The following ABCA4 variants were observed in gnomAD, a reference collection of about 807,000 sequenced individuals.
ABCA4 encodes retinal-specific phospholipid-transporting ATPase ABCA4.
ABCA4 carries 196 observed loss-of-function variants against 263.7 expected under a neutral mutation model. That is an observed-to-expected ratio of 0.74 (90% CI 0.66 to 0.84). ABCA4 has a LOEUF of 0.84. Among genes scored for constraint, ABCA4 ranks in the 40% least tolerant of loss-of-function variants. The probability of loss-of-function intolerance (pLI) is 0.00; values close to 1 mark genes in which losing one functional copy is unlikely to be tolerated. For synonymous variants in ABCA4, 1,133 were observed against 1,094.2 expected (o/e 1.04, Z -0.70); for missense variants, 2,792 against 2,855.1 (o/e 0.98, Z 0.50).
chr1:94,040,726 C>T (rs747846686), intron 23 of ABCA4, among the ~76,000 whole-genome samples: 14 of 152,324 alleles, frequency 9.2e-5, no homozygotes, highest in Middle Eastern at 3.4e-3. Flanking sequence ...GCAGCACAGA[C>T]ATAAAACTGG....
intron 11 of ABCA4, among the ~76,000 whole-genome samples, chr1:94,065,411 G>T (rs181647648): frequency 6.6e-6 from 1 of 152,298 alleles, no homozygotes; most frequent in African/African-American, 2.4e-5. Context: ...CAGACAGGGC[G>T]TAAGGACCTG....
At chr1:94,074,589 G>A (rs868690307) in intron 11 of ABCA4, among the ~76,000 whole-genome samples, 1 of 152,218 alleles carries the variant, frequency 6.6e-6, no homozygotes, top group Non-Finnish European at 1.5e-5. Context: ...TGCAGAATGA[G>A]AGAAAATTTT....
intron 44 of ABCA4, among the ~76,000 whole-genome samples, chr1:94,004,923 T>G (rs535074481): frequency 1.3e-5 from 2 of 152,368 alleles, no homozygotes; most frequent in East Asian, 3.9e-4. Flanking sequence ...TATGTTCTGT[T>G]TTCCACTTTG....
At chr1:94,042,637 C>A (rs910228356) in intron 22 of ABCA4, 124 bp downstream of exon 22, 14 of 1,347,750 alleles carry the variant, frequency 1.0e-5, no homozygotes, top group African/African-American at 5.8e-5. Flanking sequence ...CACTGATAAA[C>A]CCCCTTCTGA....
Position 94,037,289 on chromosome 1 carries a change from C to T in ABCA4, c.3669G>A (p.Glu1223=), listed in dbSNP as rs772395020. 3 of 1,614,118 alleles carry T rather than the reference C, an allele frequency of 1.9e-6. No homozygotes were observed. The highest frequency in any genetic ancestry group is 2.5e-6 in the Non-Finnish European group (3 of 1,180,050). The change falls in exon 25 of 50, where the codon GAG becomes GAA. Residue 1223 remains glutamate, a synonymous_variant. Coordinates refer to ENST00000370225, the MANE Select transcript of ABCA4 (RefSeq NM_000350.3). ...GGAAGATAAGTTCTTGACCAATGCA[C>T]TCCACCAGCTTTGCCTCTGGAACAT... The part of the protein sequence containing the change: ...LHHVPEAKLV[E]CIGQELIFLL...
Position 94,072,818 on chromosome 1 carries a change from G to A in ABCA4, c.1554+4872C>T, listed in dbSNP as rs199564839. Among the ~76,000 whole-genome samples the A allele has an allele frequency of 9.9e-5, 15 of 152,250 alleles. No homozygotes were observed. In the East Asian group the frequency reaches 1.2e-3, roughly 12 times the overall value. ...CCACTGCCTGCCTTCTAACTGGGCCGTCTGACTTCCATTTATTTCCCCCTG... is the reference window on the plus strand; with the variant it reads ...CCACTGCCTGCCTTCTAACTGGGCCATCTGACTTCCATTTATTTCCCCCTG... On this transcript the variant is annotated intron_variant, in intron 11 of 49. Transcript: ENST00000370225.
At chr1:94,051,520 C>T (rs1302525063) in intron 17 of ABCA4, 113 bp downstream of exon 17, 7 of 955,278 alleles carry the variant, frequency 7.3e-6, no homozygotes, top group Admixed American at 1.8e-5. Context: ...GCAGCTGACT[C>T]ATCAGGAATC....
chr1:94,077,867 T>C lies in ABCA4; in HGVS notation c.1377A>G (p.Thr459=), dbSNP rs760492635. Residue 459 remains threonine (T), a synonymous_variant, in exon 11 of 50, where the codon ACA becomes ACG. Coordinates refer to ENST00000370225, the MANE Select transcript of ABCA4 (RefSeq NM_000350.3). ...GCTGCCTATTCAAAAAGTCTTTTAC[T>C]GTTGGGTTCCCCAGGGTATCCTTGG... ...NMIRDTLGNP[T]VKDFLNRQLG... 4 of 1,614,232 alleles carry C rather than the reference T, an allele frequency of 2.5e-6. No homozygotes were observed. The highest frequency in any genetic ancestry group is 2.5e-6 in the Non-Finnish European group (3 of 1,180,036).
chr1:94,044,524 T>C, intron 20 of ABCA4, 89 bp downstream of exon 20: 1 of 1,601,884 alleles, frequency 6.2e-7, no homozygotes, highest in Non-Finnish European at 8.6e-7. Flanking sequence ...TGCCCAGGCC[T>C]GGCACCCCTG....
At chr1:93,995,996 GCT>G (rs1658988963) in intron 49 of ABCA4, 111 bp downstream of exon 49, 1 of 901,914 alleles carries the variant, frequency 1.1e-6, no homozygotes, top group Admixed American at 2.0e-5. Context: ...TGTGGGTGGG[GCT>G]CTCTGTAGGA....
intron 36 of ABCA4, 137 bp from the exon 37 acceptor site, chr1:94,015,991 T>C (rs115723673): frequency 4.7e-4 from 373 of 789,000 alleles, no homozygotes; most frequent in Non-Finnish European, 7.4e-4. Context: ...AAACAGTTCT[T>C]GGTTGGCAAA....
In ABCA4 at chr1:94,103,941, A is replaced by C. The variant is rs538665702; in HGVS notation, c.443-799T>G. Among the ~76,000 whole-genome samples, 9 of 152,292 alleles carry C rather than the reference A, an allele frequency of 5.9e-5. No individual in the cohort carries two copies. In the South Asian group the frequency reaches 1.9e-3, roughly 32 times the overall value. ...TAAGGAGGCATAAAGAACACCTAAC[A>C]GTTAAGGTGACCTTGGGGCAAGTGA... On this transcript the variant is annotated intron_variant, in intron 4 of 49. Coordinates refer to ENST00000370225, the MANE Select transcript of ABCA4 (RefSeq NM_000350.3).
rs1216715608 is a variant in ABCA4 at position 93,997,878 on chromosome 1, G to C, written c.6712C>G (p.Gln2238Glu). ...SLLIEEYSVT[Q>E]TTLDQVFVNF... ...CAACTTGCCTGGTCCAGTGTGGTCT[G>C]TGTGACTGAGTACTCCTCGATGAGC... The change falls in exon 48 of 50, where the codon CAG becomes GAG. Residue 2238 changes from glutamine to glutamate, a missense_variant. By Grantham distance (29) the Gln-to-Glu change is conservative. Coordinates refer to ENST00000370225, the MANE Select transcript of ABCA4 (RefSeq NM_000350.3). 6.2e-7 allele frequency: 1 copy of C among 1,614,112 alleles called. No homozygotes were observed. Among genetic ancestry groups the C allele is most frequent in the Non-Finnish European group, 8.5e-7 (1 of 1,180,002 alleles).
intron 3 of ABCA4, among the ~76,000 whole-genome samples, chr1:94,109,483 A>G (rs1280779953): frequency 1.3e-5 from 2 of 152,240 alleles, no homozygotes; most frequent in African/African-American, 4.8e-5. Flanking sequence ...GACAGGGAGA[A>G]TAAAGCTGGG....
chr1:93,998,841 C>A (rs1269196996), intron 47 of ABCA4, among the ~76,000 whole-genome samples: 1 of 151,446 alleles, frequency 6.6e-6, no homozygotes, highest in Admixed American at 6.6e-5. Flanking sequence ...TGGGTTCAAG[C>A]AATTCTCCTG....
intron 15 of ABCA4, 67 bp downstream of exon 15, chr1:94,056,533 CT>C (rs1660981335): frequency 2.6e-6 from 4 of 1,524,842 alleles, no homozygotes; most frequent in Non-Finnish European, 3.6e-6. Context: ...CAGGCTGGGC[CT>C]CCAGGACTGC....
intron 43 of ABCA4, among the ~76,000 whole-genome samples, chr1:94,006,508 C>G (rs1157453961): frequency 6.6e-6 from 1 of 152,170 alleles, no homozygotes; most frequent in Admixed American, 6.5e-5. Flanking sequence ...ATATCTTTCC[C>G]CTGCCATGGT....
intron 6 of ABCA4, among the ~76,000 whole-genome samples, chr1:94,096,604 G>C (rs1171237950): frequency 6.6e-6 from 1 of 152,184 alleles, no homozygotes; most frequent in Non-Finnish European, 1.5e-5. Flanking sequence ...GGCAGCATGT[G>C]AAGACGTAAG....
intron 11 of ABCA4, among the ~76,000 whole-genome samples, chr1:94,076,548 C>T (rs1661541218): frequency 6.7e-6 from 1 of 148,484 alleles, no homozygotes; most frequent in Non-Finnish European, 1.5e-5. Context: ...AGGGTAGAAT[C>T]CCAAGAGGTC....
Sources: allele counts gnomAD v4.1 joint callset (sites outside exome capture counted in the v4.1 genomes callset), GRCh38; gene constraint gnomAD v4.1.1; transcripts MANE v1.5; gene names NCBI Gene and HGNC (gene_info 2026-07-23, HGNC 2026-07-21).